PDE4D: variants seen among roughly 807,000 people sequenced by gnomAD.
PDE4D encodes the protein 3',5'-cyclic-AMP phosphodiesterase 4D.
Under a neutral mutation model 87.4 loss-of-function variants are expected in PDE4D, and 24 were observed. That is an observed-to-expected ratio of 0.27 (90% CI 0.20 to 0.39). The LOEUF (loss-of-function observed/expected upper bound fraction) is 0.39. Ranked by LOEUF, PDE4D falls within the 10% of genes least tolerant of loss-of-function variation. The probability of loss-of-function intolerance (pLI) is 1.00; values close to 1 mark genes in which losing one functional copy is unlikely to be tolerated. For synonymous variants in PDE4D, 384 were observed against 383.2 expected (o/e 1.00, Z -0.02); for missense variants, 714 against 1,041.0 (o/e 0.69, Z 4.32).
intron 2 of PDE4D, among the ~76,000 whole-genome samples, chr5:60,044,315 A>C (rs2152871250): frequency 6.6e-6 from 1 of 152,232 alleles, no homozygotes; most frequent in Admixed American, 6.5e-5. Context: ...AATTTTTTAA[A>C]AGATCCTGTT....
rs1035891542 is a variant in PDE4D at position 59,398,159 on chromosome 5, G to A, written c.456-182191C>T. ...CAAATTCTACCAGAGGTACAAGGAG[G>A]AACTGGTACCATTCCTTCTGAAACT... is the stretch of plus-strand genomic sequence containing the variant. On this transcript the variant is annotated intron_variant, in intron 1 of 14. Transcript: ENST00000340635. Among the ~76,000 whole-genome samples the A allele has an allele frequency of 2.8e-5, 4 of 144,292 alleles. No individual in the cohort carries two copies. In the Admixed American group the frequency reaches 2.8e-4, roughly 10 times the overall value. 94.7% of individuals were successfully genotyped at this position (144,292 alleles called of 152,430 possible). A position where few individuals can be genotyped will look rare whatever the true frequency, so the allele number is the denominator to read the frequency against.
At chr5:60,447,388 GT>G (rs373785267) in intron 1 of PDE4D, among the ~76,000 whole-genome samples, 9 of 152,234 alleles carry the variant, frequency 5.9e-5, no homozygotes, top group African/African-American at 2.2e-4. Context: ...GGAAAAACAT[GT>G]TTCTACTTAG....
intron 5 of PDE4D, among the ~76,000 whole-genome samples, chr5:59,066,846 G>A (rs576887422): frequency 5.9e-5 from 9 of 151,978 alleles, no homozygotes; most frequent in Non-Finnish European, 1.3e-4. Flanking sequence ...CACCATGTGA[G>A]GACAAAGCCA....
At chr5:59,216,379 CACACTCCT>C (rs1224459183) in intron 1 of PDE4D, among the ~76,000 whole-genome samples, 19 of 152,248 alleles carry the variant, frequency 1.2e-4, no homozygotes, top group Non-Finnish European at 2.5e-4. Flanking sequence ...CTTCTCCCTC[CACACTCCT>C]ACCCTATAAC....
At chr5:60,046,022 G>A (rs1375876267) in intron 2 of PDE4D, among the ~76,000 whole-genome samples, 1 of 152,022 alleles carries the variant, frequency 6.6e-6, no homozygotes, top group Non-Finnish European at 1.5e-5. Flanking sequence ...CCATTTGTTT[G>A]TATCCTCTTT....
intron 1 of PDE4D, among the ~76,000 whole-genome samples, chr5:59,495,278 G>A (rs1025481091): frequency 3.3e-5 from 5 of 152,124 alleles, no homozygotes; most frequent in African/African-American, 1.2e-4. Flanking sequence ...ATTAGCTCAC[G>A]TCTGCTCTTC....
At chr5:60,034,558 A>G (rs527599324) in intron 2 of PDE4D, among the ~76,000 whole-genome samples, 7 of 152,270 alleles carry the variant, frequency 4.6e-5, no homozygotes, top group East Asian at 1.9e-4. Context: ...TGGATCATCA[A>G]GGAAAATCCC....
intron 1 of PDE4D, among the ~76,000 whole-genome samples, chr5:59,450,277 A>G (rs1798942498): frequency 6.6e-6 from 1 of 152,218 alleles, no homozygotes. Context: ...TCTTTCTCTG[A>G]CCTATGAACT....
chr5:60,172,557 C>A (rs1449861972), intron 2 of PDE4D, among the ~76,000 whole-genome samples: 3 of 152,082 alleles, frequency 2.0e-5, no homozygotes, highest in African/African-American at 7.2e-5. Context: ...AGGAACACAG[C>A]CCTTCTCTTC....
At chr5:59,232,794 A>G (rs993951231) in intron 1 of PDE4D, among the ~76,000 whole-genome samples, 2 of 148,142 alleles carry the variant, frequency 1.4e-5, no homozygotes, top group African/African-American at 5.1e-5. Flanking sequence ...CCAACAAACA[A>G]ACCGATAGAG....
chr5:60,131,118 T>C (rs1326402156), intron 2 of PDE4D, among the ~76,000 whole-genome samples: 2 of 152,208 alleles, frequency 1.3e-5, no homozygotes, highest in African/African-American at 4.8e-5. Context: ...AATCTATTAA[T>C]ATACTCTTTC....
intron 1 of PDE4D, chr5:59,430,564 C>A (rs1012132520): frequency 4.0e-6 from 2 of 494,814 alleles, no homozygotes; most frequent in South Asian, 1.1e-4. Context: ...AAAGTAAACG[C>A]GTGTTTCTCG....
chr5:59,713,032 T>G (rs1165157864), intron 1 of PDE4D, among the ~76,000 whole-genome samples: 2 of 152,216 alleles, frequency 1.3e-5, no homozygotes, highest in East Asian at 3.8e-4. Flanking sequence ...TTAGAACTTC[T>G]GTGACATAAG....
chr5:60,231,047 T>G (rs1054137824), intron 1 of PDE4D, among the ~76,000 whole-genome samples: 2 of 152,032 alleles, frequency 1.3e-5, no homozygotes, highest in Non-Finnish European at 2.9e-5. Flanking sequence ...AAAATGTGTG[T>G]TCACGCATAA....
intron 1 of PDE4D, among the ~76,000 whole-genome samples, chr5:59,455,916 T>A (rs1166233753): frequency 6.6e-6 from 1 of 152,256 alleles, no homozygotes; most frequent in Non-Finnish European, 1.5e-5. Flanking sequence ...CCCTTTGTTT[T>A]GGCCAATTTC....
chr5:59,757,217 A>G (rs1247909405), intron 1 of PDE4D, among the ~76,000 whole-genome samples: 1 of 152,232 alleles, frequency 6.6e-6, no homozygotes, highest in East Asian at 1.9e-4. Flanking sequence ...CTGAGAGCCC[A>G]AGGAAAGAAA....
At chr5:59,653,208 A>ATTTTTTTTTTT (rs555841091) in intron 1 of PDE4D, among the ~76,000 whole-genome samples, 1 of 125,736 alleles carries the variant, frequency 8.0e-6, no homozygotes, top group Non-Finnish European at 1.6e-5. Context: ...AAAAAAAAAA[A>ATTTTTTTTTTT]TTTTTTTTTT....
At chr5:59,459,042 ATTAAT>A (rs1277300618) in intron 1 of PDE4D, among the ~76,000 whole-genome samples, 1 of 152,186 alleles carries the variant, frequency 6.6e-6, no homozygotes, top group Non-Finnish European at 1.5e-5. Flanking sequence ...ATATTCGATG[ATTAAT>A]TTATTTTTAT....
Position 59,909,399 on chromosome 5 carries a change from T to TC in PDE4D, c.272+79088_272+79089insG, listed in dbSNP as rs1383772286. Among the ~76,000 whole-genome samples, 2 of 151,418 alleles carry TC rather than the reference T, an allele frequency of 1.3e-5. 1 individual carries two copies. Among genetic ancestry groups the TC allele is most frequent in the Admixed American group, 1.3e-4 (2 of 15,216 alleles). Reference sequence around the variant, plus strand: ...TTTAACAAGCTCCTTAGGTGGATTTTTTTTTTCTTTTGAGACAAAGGGGTC... The same window carrying TC: ...TTTAACAAGCTCCTTAGGTGGATTTTCTTTTTTCTTTTGAGACAAAGGGGTC... On this transcript the variant is annotated intron_variant, in intron 3 of 16. Coordinates refer to the PDE4D transcript ENST00000502484.
Sources: gnomAD v4.1 joint callset for allele counts (sites outside exome capture counted in the v4.1 genomes callset) on GRCh38, gnomAD v4.1.1 for gene constraint, MANE v1.5 for transcripts, NCBI Gene and HGNC (gene_info 2026-07-23, HGNC 2026-07-21) for gene names.